HPD: variants seen among roughly 807,000 people sequenced by gnomAD.
HPD encodes the protein 4-hydroxyphenylpyruvate dioxygenase, also known as 4-hydroxyphenylpyruvic acid oxidase.
Under a neutral mutation model 56.9 loss-of-function variants are expected in HPD, and 35 were observed. The observed-to-expected ratio is 0.62, with a 90% CI of 0.47 to 0.82. The LOEUF is 0.82. Among genes scored for constraint, HPD ranks in the 40% least tolerant of loss-of-function variants. The pLI is 0.00. For synonymous variants in HPD, 186 were observed against 200.2 expected, an observed-to-expected ratio of 0.93 and a Z score of 0.60; for missense variants, 442 against 506.8, an observed-to-expected ratio of 0.87 and a Z score of 1.23.
the HPD span, among the ~76,000 whole-genome samples, chr12:121,872,666 G>A: frequency 2.0e-5 from 3 of 151,932 alleles, no homozygotes; most frequent in Non-Finnish European, 1.5e-5. Flanking sequence ...CCCTGTGATT[G>A]GTTCAGGGCT....
the HPD span, among the ~76,000 whole-genome samples, chr12:121,887,089 G>A: frequency 8.7e-4 from 132 of 151,868 alleles, no homozygotes; most frequent in Non-Finnish European, 1.6e-3. Context: ...TAGTAGAGAC[G>A]GTGTTTCACC....
chr12:121,847,040 G>C lies in HPD; in HGVS notation c.759+12C>G. ...CCCTGCTCCCCTCTCCCCCAGCCAG[G>C]GGCGGCCTCACCTGGATCTGGGACT... is the stretch of plus-strand genomic sequence containing the variant. On this transcript the variant is annotated intron_variant, in intron 10 of 13. Transcript: ENST00000289004. The C allele has an allele frequency of 6.2e-7, 1 of 1,614,084 alleles. No individual in the cohort carries two copies. Among genetic ancestry groups the C allele is most frequent in the Non-Finnish European group, 8.5e-7 (1 of 1,180,006 alleles).
In HPD at chr12:121,846,488, A is replaced by G. The variant is rs1046408017; in HGVS notation, c.831+374T>C. On this transcript the variant is annotated intron_variant, in intron 11 of 13. Transcript: ENST00000289004. Reference sequence around the variant, plus strand: ...TGCCTTGGCCACCCAAAGTGCTGGGATTACAGGTGTGAGCCACTGTGCCCG... The same window carrying G: ...TGCCTTGGCCACCCAAAGTGCTGGGGTTACAGGTGTGAGCCACTGTGCCCG... Among the ~76,000 whole-genome samples, 3 of 152,194 alleles carry G rather than the reference A, an allele frequency of 2.0e-5. No individual in the cohort carries two copies. The East Asian group carries it at 5.8e-4, about 29-fold the overall frequency.
upstream of HPD, among the ~76,000 whole-genome samples, chr12:121,861,532 A>G (rs752745843): frequency 4.6e-5 from 7 of 152,076 alleles, no homozygotes; most frequent in African/African-American, 7.2e-5. Flanking sequence ...TAAGTAAGTA[A>G]ATAAAATGGA....
In HPD at chr12:121,839,530, G is replaced by T; in HGVS notation, c.*198C>A. ...CAACACAAACACAGACACAGTATTG[G>T]ACCGGGGCACGCTTTAATCGGGAGG... On this transcript the variant is annotated 3_prime_UTR_variant, in exon 14 of 14. Coordinates refer to ENST00000289004, the MANE Select transcript of HPD (RefSeq NM_002150.3). The T allele has an allele frequency of 1.6e-6, 1 of 621,674 alleles. No homozygotes were observed. Among genetic ancestry groups the T allele is most frequent in the South Asian group, 1.9e-5 (1 of 53,954 alleles). 38.5% of individuals were successfully genotyped at this position (621,674 alleles called of 1,614,324 possible).
the HPD span, among the ~76,000 whole-genome samples, chr12:121,883,611 GA>G: frequency 6.6e-6 from 1 of 151,568 alleles, no homozygotes; most frequent in Non-Finnish European, 1.5e-5. Flanking sequence ...TTTTTATTTG[GA>G]AAAATTTCAA....
chr12:121,845,582 C>A (rs1877557070), intron 11 of HPD, among the ~76,000 whole-genome samples: 1 of 134,498 alleles, frequency 7.4e-6, no homozygotes, highest in Non-Finnish European at 1.5e-5. Context: ...GCCTGGGCGA[C>A]AGAGCCAGGC....
chr12:121,852,055 T>C (rs1877811222), intron 7 of HPD, among the ~76,000 whole-genome samples: 1 of 152,038 alleles, frequency 6.6e-6, no homozygotes, highest in South Asian at 2.1e-4. Flanking sequence ...AGTCTCACTC[T>C]GTCAACCAGG....
rs778128068 is a variant in HPD, at chr12:121,857,741, T to C, written c.93+16A>G. The C allele has an allele frequency of 3.1e-6, 5 of 1,611,570 alleles. No homozygotes were observed. In the Admixed American group the frequency reaches 8.3e-5, roughly 27 times the overall value. ...CCTGCCGTCTGCTCACTCCAGCACC[T>C]TGCCCCGGCTTCTACCTGCTTGGCG... On this transcript the variant is annotated intron_variant, in intron 3 of 13. Coordinates refer to ENST00000289004, the MANE Select transcript of HPD (RefSeq NM_002150.3).
intron 11 of HPD, 104 bp downstream of exon 11, chr12:121,846,758 A>C: frequency 1.9e-6 from 2 of 1,059,112 alleles, no homozygotes; most frequent in Non-Finnish European, 2.9e-6. Flanking sequence ...CTCCCAGCCC[A>C]GAGAAACGGG....
upstream of HPD, among the ~76,000 whole-genome samples, chr12:121,866,658 T>TG: frequency 6.6e-6 from 1 of 152,020 alleles, no homozygotes; most frequent in Non-Finnish European, 1.5e-5. Flanking sequence ...CCTTTCTGGT[T>TG]CTGCAGCAAA....
upstream of HPD, among the ~76,000 whole-genome samples, chr12:121,862,971 C>T (rs543037648): frequency 4.0e-5 from 6 of 150,566 alleles, no homozygotes; most frequent in East Asian, 2.0e-4. Flanking sequence ...TGAGCCACCG[C>T]GCCCGGCACC....
upstream of HPD, chr12:121,858,879 G>A (rs376043823): frequency 1.8e-5 from 29 of 1,608,082 alleles, no homozygotes; most frequent in East Asian, 2.2e-5. Flanking sequence ...GTGCTGGGCC[G>A]GAGTATTTAA....
upstream of HPD, among the ~76,000 whole-genome samples, chr12:121,868,037 T>C (rs1186850867): frequency 6.6e-6 from 1 of 152,142 alleles, no homozygotes; most frequent in East Asian, 1.9e-4. Context: ...TTAATACTGC[T>C]CATTGGCCAG....
chr12:121,844,740 G>A (rs1445832011), intron 11 of HPD, among the ~76,000 whole-genome samples: 1 of 151,916 alleles, frequency 6.6e-6, no homozygotes, highest in Non-Finnish European at 1.5e-5. Flanking sequence ...AATTAGCTGG[G>A]CGTGGTGGTG....
At chr12:121,878,238 A>T in the HPD span, among the ~76,000 whole-genome samples, 1 of 152,228 alleles carries the variant, frequency 6.6e-6, no homozygotes, top group Non-Finnish European at 1.5e-5. Flanking sequence ...GATATTGGGA[A>T]ATAGCATTTT....
intron 11 of HPD, among the ~76,000 whole-genome samples, chr12:121,846,155 T>C (rs1877575419): frequency 6.6e-6 from 1 of 152,230 alleles, no homozygotes. Flanking sequence ...TGCTTTGGCC[T>C]CCCGTGTAGT....
At chr12:121,857,662 A>G in intron 3 of HPD, 95 bp downstream of exon 3, 2 of 1,115,990 alleles carry the variant, frequency 1.8e-6, no homozygotes, top group Non-Finnish European at 2.7e-6. Flanking sequence ...CCTCCCTCCC[A>G]AGGGCCAATC....
intron 7 of HPD, among the ~76,000 whole-genome samples, chr12:121,852,500 AGAGCTAT>A (rs1213775167): frequency 6.6e-6 from 1 of 151,534 alleles, no homozygotes; most frequent in African/African-American, 2.4e-5. Flanking sequence ...CAAGGAGGTA[AGAGCTAT>A]GATTGTCTCT....
Sources: allele counts gnomAD v4.1 joint callset (sites outside exome capture counted in the v4.1 genomes callset), GRCh38; gene constraint gnomAD v4.1.1; transcripts MANE v1.5; gene names NCBI Gene and HGNC (gene_info 2026-07-23, HGNC 2026-07-21).